The following TRIM38 variants were observed in gnomAD, a reference collection of about 807,000 sequenced individuals.
The protein encoded by TRIM38 is tripartite motif containing 38.
In TRIM38, 35 loss-of-function variants were observed where a neutral mutation model predicts 35.8. The observed-to-expected ratio is 0.98, with a 90% CI of 0.75 to 1.30. The LOEUF (loss-of-function observed/expected upper bound fraction) is 1.30, where lower values mean the gene tolerates loss of function less well. TRIM38 is among the 50% of genes most tolerant of loss of function. The pLI is 0.00. For missense variants in TRIM38, 545 were observed against 556.9 expected (o/e 0.98, Z 0.21); for synonymous variants, 198 against 204.7 (o/e 0.97, Z 0.28).
In TRIM38 at chr6:25,971,998, A is replaced by T; in HGVS notation, c.637A>T (p.Arg213Trp). The change falls in exon 5 of 8, where the codon AGG (arginine) becomes TGG (tryptophan). Residue 213 changes from arginine to tryptophan, a missense_variant. Coordinates refer to ENST00000357085, the MANE Select transcript of TRIM38 (RefSeq NM_006355.5). ...KEEQQTLSRL[R>W]DYEAGLGLKS... ...AGAACAACAGACTCTGAGTAGACTGAGGGACTATGAGGCTGGTCTGGGGCT... is the reference window on the plus strand; with the variant it reads ...AGAACAACAGACTCTGAGTAGACTGTGGGACTATGAGGCTGGTCTGGGGCT... 2 of 1,614,146 alleles carry T rather than the reference A, an allele frequency of 1.2e-6. No individual in the cohort carries two copies. The highest frequency in any genetic ancestry group is 1.7e-6 in the Non-Finnish European group (2 of 1,180,022).
rs59539108 is a variant in TRIM38 at position 25,989,510 on chromosome 6, CTTTTTTTTTTTTTTTT to C, written c.*5832_*5847del. 3 of 93,740 alleles carry C rather than the reference CTTTTTTTTTTTTTTTT, an allele frequency of 3.2e-5. No homozygotes were observed. Among genetic ancestry groups the C allele is most frequent in the African/African-American group, 1.2e-4 (3 of 25,246 alleles). The allele number at this position is 93,740 out of a possible 1,614,324, so 5.8% of individuals were successfully genotyped here. On this transcript the variant is annotated 3_prime_UTR_variant, in exon 8 of 8. Coordinates refer to ENST00000357085, the MANE Select transcript of TRIM38 (RefSeq NM_006355.5). ...GCTATTGTTAGCAAGGTCTTGTATTCTTTTTTTTTTTTTTTTTTTTTTTTAATAGAGACGGGTCTTG... is the reference window on the plus strand; with the variant it reads ...GCTATTGTTAGCAAGGTCTTGTATTCTTTTTTTTAATAGAGACGGGTCTTG...
In TRIM38 at chr6:25,984,326, G is replaced by T. The variant is rs1760653842; in HGVS notation, c.*639G>T. The T allele has an allele frequency of 6.6e-6, 1 of 152,282 alleles. No individual in the cohort carries two copies. Among genetic ancestry groups the T allele is most frequent in the African/African-American group, 2.4e-5 (1 of 41,428 alleles). The allele number at this position is 152,282 out of a possible 1,614,324, so 9.4% of individuals were successfully genotyped here. On this transcript the variant is annotated 3_prime_UTR_variant, in exon 8 of 8. Coordinates refer to ENST00000357085, the MANE Select transcript of TRIM38 (RefSeq NM_006355.5). ...TGATGGGGGATTCAGTTCTGGAAAAGAATTTGGTATTTTCCAGTCTGCTAG... is the reference window on the plus strand; with the variant it reads ...TGATGGGGGATTCAGTTCTGGAAAATAATTTGGTATTTTCCAGTCTGCTAG...
rs1486089377 is a variant in TRIM38 at position 25,986,659 on chromosome 6, G to A, written c.*2972G>A. 1 of 151,722 alleles carries A rather than the reference G, an allele frequency of 6.6e-6. No homozygotes were observed. Among genetic ancestry groups the A allele is most frequent in the Non-Finnish European group, 1.5e-5 (1 of 67,986 alleles). The allele number at this position is 151,722 out of a possible 1,614,324, so 9.4% of individuals were successfully genotyped here. A position where few individuals can be genotyped will look rare whatever the true frequency, so the allele number is the denominator to read the frequency against. On this transcript the variant is annotated 3_prime_UTR_variant, in exon 8 of 8. Transcript: ENST00000357085. ...AGATTAGATTAAGTTCTATAAAATA[G>A]CCCAAAATGACAGTGGCTGAAACAA...
intron 5 of TRIM38, 29 bp from the exon 6 acceptor site, chr6:25,973,025 G>C (rs1188237520): frequency 6.2e-7 from 1 of 1,614,042 alleles, no homozygotes; most frequent in Non-Finnish European, 8.5e-7. Flanking sequence ...ATGTTCCCAT[G>C]CTCACCTTTT....
At chr6:25,964,216 A>C (rs1367344069) in intron 2 of TRIM38, among the ~76,000 whole-genome samples, 1 of 152,240 alleles carries the variant, frequency 6.6e-6, no homozygotes, top group Non-Finnish European at 1.5e-5. Flanking sequence ...ATTTATAAAT[A>C]CTTATGTATA....
At chr6:25,980,708 A>G (rs911209722) in intron 7 of TRIM38, among the ~76,000 whole-genome samples, 7 of 152,214 alleles carry the variant, frequency 4.6e-5, no homozygotes, top group African/African-American at 1.7e-4. Context: ...GGCATGAGCC[A>G]CCACACCTGG....
intron 7 of TRIM38, among the ~76,000 whole-genome samples, chr6:25,977,800 G>A (rs975264430): frequency 2.0e-5 from 3 of 152,114 alleles, no homozygotes; most frequent in Non-Finnish European, 4.4e-5. Flanking sequence ...TAATGATGAT[G>A]AAGACAATTG....
intron 7 of TRIM38, among the ~76,000 whole-genome samples, chr6:25,978,326 A>G (rs1487593118): frequency 1.3e-5 from 2 of 151,184 alleles, no homozygotes; most frequent in Non-Finnish European, 2.9e-5. Context: ...TTGAGACAGC[A>G]TCTCTATATG....
intron 7 of TRIM38, chr6:25,973,791 A>G: frequency 1.0e-6 from 1 of 985,468 alleles, no homozygotes; most frequent in Non-Finnish European, 1.2e-6. Flanking sequence ...CTTAGATAAC[A>G]CAGATGACAA....
At chr6:25,963,801 CA>C (rs1389671068) in intron 2 of TRIM38, among the ~76,000 whole-genome samples, 1 of 152,142 alleles carries the variant, frequency 6.6e-6, no homozygotes, top group Non-Finnish European at 1.5e-5. Flanking sequence ...GGGTCTCTAG[CA>C]AGACGTTATT....
rs568009831 is a variant in TRIM38, at chr6:25,987,865, T to C, written c.*4178T>C. 1.2e-4 allele frequency: 19 copies of C among 152,360 alleles called. 1 individual carries two copies. The East Asian group carries it at 2.7e-3, about 22-fold the overall frequency. 9.4% of individuals were successfully genotyped at this position (152,360 alleles called of 1,614,324 possible). On this transcript the variant is annotated 3_prime_UTR_variant, in exon 8 of 8. Coordinates refer to ENST00000357085, the MANE Select transcript of TRIM38 (RefSeq NM_006355.5). ...TCAACACTTCCTGTCACCCAATTTC[T>C]ATCAACTAATCTTTTGACTGTGTCC...
chr6:25,964,185 G>A (rs1759946201), intron 2 of TRIM38, among the ~76,000 whole-genome samples: 1 of 151,666 alleles, frequency 6.6e-6, no homozygotes, highest in Admixed American at 6.6e-5. Context: ...TGCCAATGGG[G>A]GTAGATACTT....
At chr6:25,965,852 C>T (rs576326841) in intron 2 of TRIM38, among the ~76,000 whole-genome samples, 5 of 150,636 alleles carry the variant, frequency 3.3e-5, no homozygotes, top group Middle Eastern at 3.4e-3. Context: ...ACCCGGGAGG[C>T]GGAGGTGCAG....
Position 25,972,100 on chromosome 6 carries a change from G to A in TRIM38, c.738+1G>A. 2 of 1,613,896 alleles carry A rather than the reference G, an allele frequency of 1.2e-6. No homozygotes were observed. The highest frequency in any genetic ancestry group is 1.7e-6 in the Non-Finnish European group (2 of 1,179,786). ...GGGCTCAGCCCAGAAATTGCTGCAG[G>A]TGAGGCTGTGTACTTGGAGTAGGGA... On this transcript the variant is annotated splice_donor_variant, in intron 5 of 7. Transcript: ENST00000357085. LOFTEE classifies it high-confidence loss of function.
intron 3 of TRIM38, among the ~76,000 whole-genome samples, chr6:25,967,438 C>T (rs537039309): frequency 6.7e-6 from 1 of 150,158 alleles, no homozygotes; most frequent in Non-Finnish European, 1.5e-5. Flanking sequence ...TCCTGAAGGA[C>T]ACGTAAAAAT....
intron 7 of TRIM38, chr6:25,975,447 C>A: frequency 3.7e-6 from 1 of 270,126 alleles, no homozygotes; most frequent in Non-Finnish European, 5.7e-6. Flanking sequence ...GGTGATCTGC[C>A]TGTCTCTGCC....
chr6:25,967,703 A>AT (rs1031159144), intron 3 of TRIM38, among the ~76,000 whole-genome samples: 3 of 151,046 alleles, frequency 2.0e-5, no homozygotes, highest in Non-Finnish European at 4.4e-5. Context: ...TACCTGGATA[A>AT]TTTTTTTATT....
In TRIM38 at chr6:25,988,479, T is replaced by C. The variant is rs1760772692; in HGVS notation, c.*4792T>C. 8.2e-6 allele frequency: 1 copy of C among 122,074 alleles called. No homozygotes were observed. The highest frequency in any genetic ancestry group is 3.4e-5 in the African/African-American group (1 of 29,172). 7.6% of individuals were successfully genotyped at this position (122,074 alleles called of 1,614,324 possible). On this transcript the variant is annotated 3_prime_UTR_variant, in exon 8 of 8. Coordinates refer to ENST00000357085, the MANE Select transcript of TRIM38 (RefSeq NM_006355.5). Reference sequence around the variant, plus strand: ...TGATCGTTTCTTTTCTTTTTCTTTTTCTTTTTTCTTTTCTTTCTTTTTTTT... The same window carrying C: ...TGATCGTTTCTTTTCTTTTTCTTTTCCTTTTTTCTTTTCTTTCTTTTTTTT...
chr6:25,982,333 A>T (rs115655506), intron 7 of TRIM38, among the ~76,000 whole-genome samples: 1,761 of 152,128 alleles, frequency 0.012, 30 homozygotes, highest in African/African-American at 0.038. Flanking sequence ...ATGCACCACT[A>T]CCTTTCTACC....
Sources: gnomAD v4.1 joint callset for allele counts (sites outside exome capture counted in the v4.1 genomes callset) on GRCh38, gnomAD v4.1.1 for gene constraint, MANE v1.5 for transcripts, NCBI Gene and HGNC (gene_info 2026-07-23, HGNC 2026-07-21) for gene names.